WDFY3: variants seen among roughly 807,000 people sequenced by gnomAD.
The protein encoded by WDFY3 is WD repeat and FYVE domain containing 3.
A neutral mutation model predicts 409.6 loss-of-function variants in WDFY3; 66 were observed. That is an observed-to-expected ratio of 0.16 (90% CI 0.13 to 0.20). WDFY3 has a LOEUF of 0.20. WDFY3 is among the 10% of genes least tolerant of loss of function. The probability of loss-of-function intolerance (pLI) is 1.00; values close to 1 mark genes in which losing one functional copy is unlikely to be tolerated. For missense variants in WDFY3, 3,031 were observed against 4,298.1 expected (o/e 0.71, Z 8.24); for synonymous variants, 1,521 against 1,537.1 (o/e 0.99, Z 0.25).
chr4:84,952,378 A>G (rs1773718358), intron 1 of WDFY3, among the ~76,000 whole-genome samples: 1 of 152,202 alleles, frequency 6.6e-6, no homozygotes, highest in South Asian at 2.1e-4. Context: ...AGCAAACTCA[A>G]AAGATTTTCT....
chr4:84,739,061 T>C lies in WDFY3; in HGVS notation c.6523A>G (p.Ile2175Val), dbSNP rs2149213811. The change falls in exon 40 of 68, where the codon ATC (isoleucine) becomes GTC (valine). Residue 2175 changes from isoleucine to valine, a missense_variant. Coordinates refer to ENST00000295888, the MANE Select transcript of WDFY3 (RefSeq NM_014991.6). ...CCATCTGGTTCAATGTCCGAGGGGA[T>C]CATAATGTGCCATGTGGTCATGCGG... ...EARMTTWHIM[I>V]PSDIEPDGSY... is the part of the protein sequence containing the mutation. 6.2e-7 allele frequency: 1 copy of C among 1,614,156 alleles called. No homozygotes were observed. The highest frequency in any genetic ancestry group is 1.1e-5 in the South Asian group (1 of 91,088).
chr4:84,808,264 A>G, intron 15 of WDFY3, 70 bp downstream of exon 15: 1 of 1,212,660 alleles, frequency 8.2e-7, no homozygotes, highest in Non-Finnish European at 1.2e-6. Flanking sequence ...TCAACATGTT[A>G]ACATAAATAA....
intron 14 of WDFY3, chr4:84,809,559 G>A: frequency 4.6e-6 from 1 of 217,366 alleles, no homozygotes; most frequent in Non-Finnish European, 9.1e-6. Flanking sequence ...ATATCAATAA[G>A]TCCAGATGCA....
At chr4:84,794,170 C>A (rs1748981824) in intron 21 of WDFY3, among the ~76,000 whole-genome samples, 1 of 152,170 alleles carries the variant, frequency 6.6e-6, no homozygotes, top group Non-Finnish European at 1.5e-5. Flanking sequence ...GCACATATGG[C>A]AGGCAGGTGC....
intron 4 of WDFY3, among the ~76,000 whole-genome samples, chr4:84,855,078 C>A (rs1353834676): frequency 2.0e-5 from 3 of 152,166 alleles, no homozygotes; most frequent in African/African-American, 7.2e-5. Context: ...TGCAAATTCA[C>A]TGGAAATAAC....
chr4:84,677,175 CA>C, intron 67 of WDFY3, 23 bp downstream of exon 67: 2 of 1,613,330 alleles, frequency 1.2e-6, no homozygotes, highest in Non-Finnish European at 1.7e-6. Context: ...AATGTAAATT[CA>C]AAAAGCAGAT....
At chr4:84,897,720 G>A (rs1765825710) in intron 2 of WDFY3, among the ~76,000 whole-genome samples, 1 of 152,190 alleles carries the variant, frequency 6.6e-6, no homozygotes, top group African/African-American at 2.4e-5. Flanking sequence ...GCAGGACAAA[G>A]TGACGCTGGA....
Position 84,755,293 on chromosome 4 carries a change from C to G in WDFY3, c.5532G>C (p.Leu1844Phe), listed in dbSNP as rs777038262. Residue 1844 changes from leucine to phenylalanine, a missense_variant, in exon 34 of 68, where the codon TTG (leucine) becomes TTC (phenylalanine). Leu to Phe is a conservative substitution (Grantham distance 22, BLOSUM62 0). Coordinates refer to ENST00000295888, the MANE Select transcript of WDFY3 (RefSeq NM_014991.6). ...AAGTCAGCATGCTGCGGAGCATTCCCAATAATAAAAAAACAGCTTCTGTGC... is the reference window on the plus strand; with the variant it reads ...AAGTCAGCATGCTGCGGAGCATTCCGAATAATAAAAAAACAGCTTCTGTGC... Reference protein sequence around the residue: ...NVCTEAVFLLLGMLRSMLTSP... With the variant: ...NVCTEAVFLLFGMLRSMLTSP... 4.3e-6 allele frequency: 7 copies of G among 1,612,516 alleles called. No homozygotes were observed. The highest frequency in any genetic ancestry group is 5.9e-6 in the Non-Finnish European group (7 of 1,179,554).
intron 2 of WDFY3, among the ~76,000 whole-genome samples, chr4:84,930,626 T>C (rs1051519276): frequency 6.6e-6 from 1 of 152,138 alleles, no homozygotes. Context: ...TATTCAAATC[T>C]TTTTTCTCAA....
intron 12 of WDFY3, among the ~76,000 whole-genome samples, chr4:84,818,562 T>C (rs985232785): frequency 2.0e-5 from 3 of 152,160 alleles, no homozygotes; most frequent in Non-Finnish European, 4.4e-5. Context: ...ATTTGTTAAC[T>C]TTATAAAAAT....
rs764995993 is a variant in WDFY3 at position 84,690,514 on chromosome 4, G to C, written c.9355C>G (p.Leu3119Val). 2 of 1,614,088 alleles carry C rather than the reference G, an allele frequency of 1.2e-6. No individual in the cohort carries two copies. Among genetic ancestry groups the C allele is most frequent in the Admixed American group, 1.7e-5 (1 of 60,016 alleles). The change falls in exon 61 of 68, where the codon CTC becomes GTC. Residue 3119 changes from leucine to valine, a missense_variant. Physicochemically the swap from Leu to Val is conservative, Grantham distance 32 (BLOSUM62 1). Coordinates refer to ENST00000295888, the MANE Select transcript of WDFY3 (RefSeq NM_014991.6). ...TCTATGTTCTCTCTTACCTGTTTGA[G>C]GGTGACGGTCTTGGCCTTTTCTTTG... The part of the protein sequence containing the change: ...TSKEKAKTVT[L>V]KQALLGHTDT...
In WDFY3 at chr4:84,702,206, C is replaced by T. The variant is rs1440894503; in HGVS notation, c.8596+147G>A. Reference sequence around the variant, plus strand: ...TAACGACAAAAATCACATGTAACCACACCCAATTACAGCAAATGACTGCAA... The same window carrying T: ...TAACGACAAAAATCACATGTAACCATACCCAATTACAGCAAATGACTGCAA... On this transcript the variant is annotated intron_variant, in intron 56 of 67. Coordinates refer to ENST00000295888, the MANE Select transcript of WDFY3 (RefSeq NM_014991.6). 5.7e-6 allele frequency: 5 copies of T among 874,590 alleles called. No individual in the cohort carries two copies. The South Asian group carries it at 7.3e-5, about 13-fold the overall frequency. The allele number at this position is 874,590 out of a possible 1,614,324, so 54.2% of individuals were successfully genotyped here.
At chr4:84,924,023 A>G (rs553793643) in intron 2 of WDFY3, among the ~76,000 whole-genome samples, 1 of 152,218 alleles carries the variant, frequency 6.6e-6, no homozygotes, top group Non-Finnish European at 1.5e-5. Flanking sequence ...TTTTGTTAAT[A>G]GAAACATTTA....
chr4:84,675,929 A>T (rs1726212300), intron 67 of WDFY3, among the ~76,000 whole-genome samples: 1 of 152,228 alleles, frequency 6.6e-6, no homozygotes, highest in Non-Finnish European at 1.5e-5. Flanking sequence ...ACCCCAAAAT[A>T]AATTACAAAT....
rs201321768 is a variant in WDFY3, at chr4:84,841,123, G to A, written c.414+31C>T. On this transcript the variant is annotated intron_variant, in intron 6 of 67. Transcript: ENST00000295888. ...AGAGAGGCTATAAAATAAAGACGCT[G>A]AGTTATCAAACATGAAAACTAAGAA... The A allele has an allele frequency of 3.3e-5, 50 of 1,516,506 alleles. No individual in the cohort carries two copies. The Middle Eastern group carries it at 6.9e-4, about 21-fold the overall frequency. The allele number at this position is 1,516,506 out of a possible 1,614,324, so 93.9% of individuals were successfully genotyped here.
intron 10 of WDFY3, among the ~76,000 whole-genome samples, chr4:84,822,366 G>C (rs1312821009): frequency 2.6e-5 from 4 of 152,230 alleles, no homozygotes; most frequent in African/African-American, 9.6e-5. Flanking sequence ...ATTTCAGAAA[G>C]AGTATAAACC....
Position 84,821,069 on chromosome 4 carries a change from C to T in WDFY3, c.1591+15G>A, listed in dbSNP as rs761198639. The stretch of plus-strand genomic sequence containing the variant: ...CCCTTTTCAAATAAAAATAAAATTA[C>T]AGACAATACTTTACCTTGTTCATTT... On this transcript the variant is annotated intron_variant, in intron 11 of 67. Coordinates refer to ENST00000295888, the MANE Select transcript of WDFY3 (RefSeq NM_014991.6). 9.0e-6 allele frequency: 14 copies of T among 1,555,714 alleles called. No individual in the cohort carries two copies. The highest frequency in any genetic ancestry group is 1.1e-5 in the Non-Finnish European group (13 of 1,154,634).
In WDFY3 at chr4:84,858,328, G is replaced by A. The variant is rs528827178; in HGVS notation, c.180+2084C>T. 2.0e-5 allele frequency among the ~76,000 whole-genome samples: 3 copies of A among 152,252 alleles called. No homozygotes were observed. The East Asian group carries it at 5.8e-4, about 29-fold the overall frequency. ...TAGAAGTCTAGTTCCTTACGAGGAA[G>A]AAGAGAGATACCACCACAAATCAAA... On this transcript the variant is annotated intron_variant, in intron 4 of 67. Coordinates refer to ENST00000295888, the MANE Select transcript of WDFY3 (RefSeq NM_014991.6).
intron 9 of WDFY3, 68 bp from the exon 10 acceptor site, chr4:84,827,049 A>G (rs1754969555): frequency 1.3e-6 from 2 of 1,528,130 alleles, no homozygotes; most frequent in African/African-American, 1.4e-5. Context: ...AACACAAAGT[A>G]TTTTTCAATT....
Sources: gnomAD v4.1 joint callset for allele counts (sites outside exome capture counted in the v4.1 genomes callset) on GRCh38, gnomAD v4.1.1 for gene constraint, MANE v1.5 for transcripts, NCBI Gene and HGNC (gene_info 2026-07-23, HGNC 2026-07-21) for gene names.